Variants in ARHGAP11B observed in about 807,000 individuals in gnomAD.
ARHGAP11B encodes the protein Rho GTPase activating protein 11B.
Under a neutral mutation model 27.6 loss-of-function variants are expected in ARHGAP11B, and 14 were observed. The ratio of observed to expected loss-of-function variants is 0.51; its 90% CI spans 0.34 to 0.79. The LOEUF is 0.79. Ranked by LOEUF, ARHGAP11B falls within the 30% of genes least tolerant of loss-of-function variation. ARHGAP11B has a pLI of 0.02. For synonymous variants in ARHGAP11B, 82 were observed against 114.1 expected, an observed-to-expected ratio of 0.72 and a Z score of 1.80; for missense variants, 245 against 320.1, an observed-to-expected ratio of 0.77 and a Z score of 1.79.
At chr15:30,647,284 C>T (rs189089489) in intron 9 of ARHGAP11B, among the ~76,000 whole-genome samples, 88 of 151,936 alleles carry the variant, frequency 5.8e-4, no homozygotes, top group African/African-American at 2.1e-3. Context: ...TTGGAGTCAT[C>T]CTCAGAAAGG....
chr15:30,629,651 T>C (rs933448796), intron 1 of ARHGAP11B, among the ~76,000 whole-genome samples: 4 of 152,098 alleles, frequency 2.6e-5, no homozygotes, highest in Non-Finnish European at 4.4e-5. Context: ...TGTAAATTAA[T>C]TGGAGCCAGG....
exon 1 of ARHGAP11B, chr15:30,626,852 T>C (rs1231440261): frequency 6.2e-7 from 1 of 1,613,604 alleles, no homozygotes; most frequent in Non-Finnish European, 8.5e-7. Flanking sequence ...AAGTTGGCCC[T>C]GTTGCAGCAT....
chr15:30,632,885 G>T (rs1171161538), intron 2 of ARHGAP11B, among the ~76,000 whole-genome samples: 1 of 152,024 alleles, frequency 6.6e-6, no homozygotes, highest in Non-Finnish European at 1.5e-5. Context: ...GGTGGCCTTG[G>T]ACGGAGCCCT....
In ARHGAP11B at chr15:30,634,597, T is replaced by C. The variant is rs560873162; in HGVS notation, c.551+174T>C. Among the ~76,000 whole-genome samples, 2 of 152,200 alleles carry C rather than the reference T, an allele frequency of 1.3e-5. 1 individual carries two copies. The highest frequency in any genetic ancestry group is 3.9e-4 in the East Asian group (2 of 5,166). On this transcript the variant is annotated intron_variant, in intron 4 of 10. Coordinates refer to ENST00000428041, the Ensembl canonical transcript of ARHGAP11B. ...AGAAACAGCATACCAAATGATTTAA[T>C]ATTTCCTTATCTTAAAGTCATCATC...
chr15:30,643,690 G>A (rs927090322), intron 7 of ARHGAP11B, among the ~76,000 whole-genome samples: 15 of 152,002 alleles, frequency 9.9e-5, no homozygotes, highest in African/African-American at 3.4e-4. Flanking sequence ...TTTGTCTAAG[G>A]GTTTCTCATG....
At chr15:30,631,691 G>A (rs950338826) in intron 2 of ARHGAP11B, among the ~76,000 whole-genome samples, 1 of 152,110 alleles carries the variant, frequency 6.6e-6, no homozygotes, top group Admixed American at 6.5e-5. Flanking sequence ...TTGGATAAAA[G>A]AATATTTAAG....
At chr15:30,634,310 G>A (rs988876051) in exon 4 of ARHGAP11B, 9 of 1,613,286 alleles carry the variant, frequency 5.6e-6, no homozygotes, top group Middle Eastern at 1.6e-4. Context: ...AAGCTCAACA[G>A]TTAGGCACAG....
chr15:30,634,246 T>A (rs2060264312), exon 4 of ARHGAP11B: 1 of 1,612,342 alleles, frequency 6.2e-7, no homozygotes, highest in Non-Finnish European at 8.5e-7. Context: ...AAGCAGTTTT[T>A]TAGGGAACTG....
At chr15:30,643,303 A>T in intron 7 of ARHGAP11B, among the ~76,000 whole-genome samples, 1 of 142,994 alleles carries the variant, frequency 7.0e-6, no homozygotes. Flanking sequence ...TTTTGAGATG[A>T]AGTCTCACTC....
exon 2 of ARHGAP11B, chr15:30,630,736 C>A (rs772865447): frequency 6.2e-7 from 1 of 1,611,526 alleles, no homozygotes; most frequent in African/African-American, 1.3e-5. Context: ...TAATGCACTG[C>A]CCCATTCTGC....
intron 10 of ARHGAP11B, among the ~76,000 whole-genome samples, chr15:30,647,987 A>G (rs1255578864): frequency 6.6e-6 from 1 of 151,946 alleles, no homozygotes; most frequent in African/African-American, 2.4e-5. Flanking sequence ...CATAGAGACA[A>G]GGTCTCTCTC....
Position 30,646,388 on chromosome 15 carries a change from GA to G in ARHGAP11B, c.*324+99del, listed in dbSNP as rs984852969. The G allele has an allele frequency of 3.7e-4, 77 of 207,628 alleles. 1 individual carries two copies. In the Admixed American group the frequency reaches 4.6e-3, roughly 12 times the overall value. The allele number at this position is 207,628 out of a possible 1,614,324, so 12.9% of individuals were successfully genotyped here. A position where few individuals can be genotyped will look rare whatever the true frequency, so the allele number is the denominator to read the frequency against. ...AATAGCAATTTGATTTAACTACCAT[GA>G]AAAAACTGATTTATCATGATTTTAG... On this transcript the variant is annotated intron_variant, in intron 9 of 10. Transcript: ENST00000428041.
chr15:30,627,094 A>G, intron 1 of ARHGAP11B, 145 bp downstream of exon 1: 1 of 1,287,562 alleles, frequency 7.8e-7, no homozygotes, highest in Non-Finnish European at 1.0e-6. Flanking sequence ...TCGATTGCTG[A>G]TATTTAAAAA....
intron 6 of ARHGAP11B, among the ~76,000 whole-genome samples, chr15:30,637,860 C>T (rs2060291165): frequency 1.3e-5 from 2 of 148,484 alleles, no homozygotes; most frequent in South Asian, 4.3e-4. Context: ...GTCTTTGTCA[C>T]CCAGGCTGGG....
At chr15:30,629,844 T>C (rs1290312786) in intron 1 of ARHGAP11B, among the ~76,000 whole-genome samples, 2 of 152,072 alleles carry the variant, frequency 1.3e-5, no homozygotes, top group Non-Finnish European at 2.9e-5. Flanking sequence ...TAAATTAACA[T>C]GTGAGATTAT....
At chr15:30,648,738 A>G (rs1595682640) in exon 11 of ARHGAP11B, 1 of 151,952 alleles carries the variant, frequency 6.6e-6, no homozygotes, top group East Asian at 1.9e-4. Context: ...ACATGAAAAA[A>G]CGGAGGTGAA....
At chr15:30,634,296 T>C (rs755987238) in exon 4 of ARHGAP11B, 2 of 1,613,360 alleles carry the variant, frequency 1.2e-6, no homozygotes, top group Non-Finnish European at 8.5e-7. Flanking sequence ...TGAAGCACTT[T>C]TGAAAGCTCA....
chr15:30,629,919 G>T (rs2060233925), intron 1 of ARHGAP11B, among the ~76,000 whole-genome samples: 1 of 152,090 alleles, frequency 6.6e-6, no homozygotes, highest in Non-Finnish European at 1.5e-5. Context: ...CAGTGCTGTG[G>T]AAAGCGACAC....
At chr15:30,636,932 C>T (rs1290215103) in intron 6 of ARHGAP11B, among the ~76,000 whole-genome samples, 5 of 152,034 alleles carry the variant, frequency 3.3e-5, no homozygotes, top group African/African-American at 1.2e-4. Flanking sequence ...TGTAAAGACA[C>T]GAATTCCAAG....
Sources: allele counts gnomAD v4.1 joint callset (sites outside exome capture counted in the v4.1 genomes callset), GRCh38; gene constraint gnomAD v4.1.1; transcripts MANE v1.5; gene names NCBI Gene and HGNC (gene_info 2026-07-23, HGNC 2026-07-21).